The following MECOM variants were observed in gnomAD, a reference collection of about 807,000 sequenced individuals.
MECOM encodes MDS1 and EVI1 complex locus, also known as histone-lysine N-methyltransferase MECOM.
MECOM carries 13 observed loss-of-function variants against 116.3 expected under a neutral mutation model. That is an observed-to-expected ratio of 0.11 (90% CI 0.07 to 0.18). The LOEUF is 0.18. Among genes scored for constraint, MECOM ranks in the 10% least tolerant of loss-of-function variants. The probability of loss-of-function intolerance (pLI) is 1.00; values close to 1 mark genes in which losing one functional copy is unlikely to be tolerated. For missense variants in MECOM, 1,299 were observed against 1,509.0 expected (o/e 0.86, Z 2.31); for synonymous variants, 528 against 535.2 (o/e 0.99, Z 0.19).
At chr3:169,139,711 A>C (rs1172235460) in intron 3 of MECOM, among the ~76,000 whole-genome samples, 1 of 152,098 alleles carries the variant, frequency 6.6e-6, no homozygotes, top group Non-Finnish European at 1.5e-5. Flanking sequence ...TTGTGAATCT[A>C]TTCAAACATG....
chr3:169,296,353 G>A (rs1279659398), intron 2 of MECOM, among the ~76,000 whole-genome samples: 5 of 152,192 alleles, frequency 3.3e-5, no homozygotes, highest in Admixed American at 1.3e-4. Flanking sequence ...GAGCAAGAAC[G>A]CCAAAGAAAT....
At chr3:169,425,664 G>A (rs1438658470) in intron 1 of MECOM, among the ~76,000 whole-genome samples, 1 of 152,114 alleles carries the variant, frequency 6.6e-6, no homozygotes. Context: ...CAAACAGTAA[G>A]CGATAGAGCA....
rs146210427 is a variant in MECOM at position 169,330,182 on chromosome 3, C to T, written c.375+51005G>A. Among the ~76,000 whole-genome samples the T allele has an allele frequency of 1.0e-3, 155 of 152,212 alleles. 2 individuals carry two copies. Among genetic ancestry groups the T allele is most frequent in the African/African-American group, 3.4e-3 (142 of 41,526 alleles). Reference sequence around the variant, plus strand: ...CTGAGACTGCAGGTATCTGCCACCACGACCAGCTAATTTTTTAAATTTGTA... The same window carrying T: ...CTGAGACTGCAGGTATCTGCCACCATGACCAGCTAATTTTTTAAATTTGTA... On this transcript the variant is annotated intron_variant, in intron 2 of 16. Coordinates refer to ENST00000651503, the MANE Select transcript of MECOM (RefSeq NM_004991.4).
intron 1 of MECOM, among the ~76,000 whole-genome samples, chr3:169,476,677 T>C (rs1750441669): frequency 6.6e-6 from 1 of 151,998 alleles, no homozygotes; most frequent in Admixed American, 6.6e-5. Flanking sequence ...ATCTTTTTTT[T>C]CTCCCCCTTC....
intron 2 of MECOM, among the ~76,000 whole-genome samples, chr3:169,243,284 T>C (rs1333638839): frequency 3.9e-5 from 6 of 152,174 alleles, no homozygotes; most frequent in Admixed American, 3.9e-4. Flanking sequence ...AGTCTTCCAG[T>C]GTTCTAATAG....
chr3:169,631,450 T>A (rs1303623790), intron 1 of MECOM, among the ~76,000 whole-genome samples: 6 of 152,028 alleles, frequency 3.9e-5, no homozygotes, highest in African/African-American at 9.7e-5. Flanking sequence ...AAATAGCAAA[T>A]TTTTTTTATT....
At chr3:169,403,488 G>T (rs16853663) in intron 1 of MECOM, among the ~76,000 whole-genome samples, 3,957 of 152,110 alleles carry the variant, frequency 0.026, 122 homozygotes, top group African/African-American at 0.071. Context: ...TTTACAAGAC[G>T]TATTTTCTCT....
intron 2 of MECOM, among the ~76,000 whole-genome samples, chr3:169,255,154 C>T (rs775234970): frequency 6.6e-6 from 1 of 152,080 alleles, no homozygotes; most frequent in Non-Finnish European, 1.5e-5. Context: ...TTGTAATTGA[C>T]AGAAGTATAC....
chr3:169,381,988 T>C (rs1732465661), intron 1 of MECOM, among the ~76,000 whole-genome samples: 1 of 152,156 alleles, frequency 6.6e-6, no homozygotes, highest in Non-Finnish European at 1.5e-5. Flanking sequence ...AAGGCTGCCA[T>C]GTGCCACAAG....
At chr3:169,166,856 G>T (rs1743675426) in intron 2 of MECOM, among the ~76,000 whole-genome samples, 1 of 152,142 alleles carries the variant, frequency 6.6e-6, no homozygotes, top group Non-Finnish European at 1.5e-5. Flanking sequence ...ACAGGATTGG[G>T]ATTACAGCCG....
At chr3:169,469,236 G>C (rs1748803610) in intron 1 of MECOM, among the ~76,000 whole-genome samples, 1 of 152,138 alleles carries the variant, frequency 6.6e-6, no homozygotes, top group Non-Finnish European at 1.5e-5. Flanking sequence ...AAGGTGGTGA[G>C]AGTGCTCCTA....
intron 1 of MECOM, among the ~76,000 whole-genome samples, chr3:169,652,740 A>AGC (rs1441017987): frequency 2.6e-5 from 4 of 152,344 alleles, no homozygotes; most frequent in Admixed American, 2.6e-4. Context: ...ATTGTTTGAA[A>AGC]GAAATCTTTA....
At chr3:169,169,121 C>A (rs1744039646) in intron 2 of MECOM, among the ~76,000 whole-genome samples, 1 of 152,084 alleles carries the variant, frequency 6.6e-6, no homozygotes, top group African/African-American at 2.4e-5. Context: ...TAAACACATA[C>A]TAAATTAAAT....
At chr3:169,149,061 C>CGCAA (rs998307762) in intron 2 of MECOM, among the ~76,000 whole-genome samples, 2 of 150,986 alleles carry the variant, frequency 1.3e-5, no homozygotes, top group African/African-American at 4.9e-5. Flanking sequence ...CTCAACTTGC[C>CGCAA]CATTGTCGGA....
chr3:169,144,814 T>G (rs1363232314), intron 2 of MECOM, among the ~76,000 whole-genome samples: 2 of 152,184 alleles, frequency 1.3e-5, no homozygotes, highest in African/African-American at 4.8e-5. Context: ...CGAGGAAGTT[T>G]CCTATCAAAG....
intron 2 of MECOM, among the ~76,000 whole-genome samples, chr3:169,210,911 C>T (rs565856380): frequency 3.4e-4 from 52 of 152,164 alleles, no homozygotes; most frequent in African/African-American, 1.2e-3. Flanking sequence ...AGTTTCTTTC[C>T]CTCAGCACAA....
chr3:169,483,957 A>C lies in MECOM; in HGVS notation c.38-102433T>G, dbSNP rs953980941. On this transcript the variant is annotated intron_variant, in intron 1 of 16. Coordinates refer to ENST00000651503, the MANE Select transcript of MECOM (RefSeq NM_004991.4). ...AAACTGCTCAAAATTGGCAGCATCC[A>C]TGATTCTACAGGGTGGGTGCAATCA... The C allele has an allele frequency of 2.7e-5, 43 of 1,604,916 alleles. No homozygotes were observed. In the African/African-American group the frequency reaches 5.4e-4, roughly 20 times the overall value.
chr3:169,516,113 G>A (rs1257716485), intron 1 of MECOM, among the ~76,000 whole-genome samples: 1 of 152,108 alleles, frequency 6.6e-6, no homozygotes, highest in East Asian at 1.9e-4. Context: ...TGACAATATG[G>A]TCATTTGAGC....
chr3:169,312,657 CG>C (rs1328811479), intron 2 of MECOM, among the ~76,000 whole-genome samples: 2 of 152,190 alleles, frequency 1.3e-5, no homozygotes, highest in African/African-American at 4.8e-5. Flanking sequence ...GGATTACAGG[CG>C]TGAGCCGCCG....
Sources: allele counts gnomAD v4.1 joint callset (sites outside exome capture counted in the v4.1 genomes callset), GRCh38; gene constraint gnomAD v4.1.1; transcripts MANE v1.5; gene names NCBI Gene and HGNC (gene_info 2026-07-23, HGNC 2026-07-21).